Variants in KIAA1671 observed in about 807,000 individuals in gnomAD.
KIAA1671 encodes the protein KIAA1671, also known as uncharacterized protein KIAA1671.
A neutral mutation model predicts 131.2 loss-of-function variants in KIAA1671; 52 were observed. The ratio of observed to expected loss-of-function variants is 0.40; its 90% CI spans 0.32 to 0.50. The LOEUF (loss-of-function observed/expected upper bound fraction) is 0.50. KIAA1671 is among the 20% of genes least tolerant of loss of function. KIAA1671 has a pLI of 0.73. For missense variants in KIAA1671, 2,360 were observed against 2,364.2 expected (o/e 1.00, Z 0.04); for synonymous variants, 1,003 against 961.6 (o/e 1.04, Z -0.80).
intron 11 of KIAA1671, among the ~76,000 whole-genome samples, chr22:25,189,105 T>A (rs1239558027): frequency 1.3e-5 from 2 of 151,156 alleles, no homozygotes; most frequent in African/African-American, 4.9e-5. Context: ...TCCCTCTTCT[T>A]CCTGGGAGGC....
intron 1 of KIAA1671, among the ~76,000 whole-genome samples, chr22:24,964,570 C>T (rs144065657): frequency 8.3e-4 from 126 of 152,150 alleles, no homozygotes; most frequent in African/African-American, 2.9e-3. Flanking sequence ...CAAAGGAATG[C>T]GCCACCATGT....
At chr22:25,169,453 G>A (rs7285325) in intron 6 of KIAA1671, among the ~76,000 whole-genome samples, 34,075 of 148,616 alleles carry the variant, frequency 0.23, 3,989 homozygotes, top group South Asian at 0.36. Context: ...GACTGAGAGC[G>A]TCATTCAAAG....
At chr22:25,056,209 GAT>G (rs1229712891) in intron 6 of KIAA1671, 2 of 148,972 alleles carry the variant, frequency 1.3e-5, no homozygotes, top group Non-Finnish European at 3.0e-5. Flanking sequence ...TCCCATATCA[GAT>G]ATTTGCAAAT....
intron 6 of KIAA1671, among the ~76,000 whole-genome samples, chr22:25,134,270 C>A (rs1932575354): frequency 6.6e-6 from 1 of 152,092 alleles, no homozygotes; most frequent in Non-Finnish European, 1.5e-5. Flanking sequence ...GGCTTGGCAG[C>A]TGGATTCTTG....
rs1555885271 is a variant in KIAA1671, at chr22:25,179,197, G to A, written c.5074+1675G>A. ...GTGCGGAAGAGAAGCATGAAGCTGG[G>A]GGCGGGGGTGGGGGAGGAGGAACAA... is the stretch of plus-strand genomic sequence containing the variant. On this transcript the variant is annotated intron_variant, in intron 9 of 12. Coordinates refer to ENST00000358431, the MANE Select transcript of KIAA1671 (RefSeq NM_001145206.2). 5.8e-5 allele frequency: 63 copies of A among 1,078,330 alleles called. 1 individual carries two copies. In the South Asian group the frequency reaches 8.5e-4, roughly 15 times the overall value. 66.8% of individuals were successfully genotyped at this position (1,078,330 alleles called of 1,614,324 possible).
chr22:25,027,778 T>C (rs1004017587), intron 2 of KIAA1671, among the ~76,000 whole-genome samples, 167 bp from the exon 3 acceptor site: 9 of 152,192 alleles, frequency 5.9e-5, no homozygotes, highest in African/African-American at 1.9e-4. Context: ...CGTCCAGAGC[T>C]CAGAGACGGG....
intron 6 of KIAA1671, among the ~76,000 whole-genome samples, chr22:25,070,592 G>T (rs899768863): frequency 6.6e-6 from 1 of 152,128 alleles, no homozygotes; most frequent in African/African-American, 2.4e-5. Context: ...AAACGGGCTT[G>T]GTTTGGGAGG....
chr22:25,152,928 A>AT (rs1031126470), intron 6 of KIAA1671, among the ~76,000 whole-genome samples: 11 of 150,464 alleles, frequency 7.3e-5, no homozygotes, highest in South Asian at 2.1e-4. Flanking sequence ...TTTATTCCTG[A>AT]TTTTTTTTTA....
intron 1 of KIAA1671, among the ~76,000 whole-genome samples, chr22:25,005,359 A>AAG (rs1015567377): frequency 6.6e-6 from 1 of 151,642 alleles, no homozygotes; most frequent in African/African-American, 2.4e-5. Context: ...AAAAAAAAAA[A>AAG]AAAAAGAAAA....
chr22:25,003,093 CT>C (rs533126369), intron 1 of KIAA1671, among the ~76,000 whole-genome samples: 42 of 151,914 alleles, frequency 2.8e-4, no homozygotes, highest in Non-Finnish European at 5.0e-4. Context: ...TTGTTTTAAA[CT>C]TTTTTTTCCC....
chr22:25,118,663 C>G (rs1931794754), intron 6 of KIAA1671, among the ~76,000 whole-genome samples: 1 of 152,112 alleles, frequency 6.6e-6, no homozygotes, highest in African/African-American at 2.4e-5. Flanking sequence ...CCCTCCCATC[C>G]AGTCCATTCT....
At position 25,177,363 on chromosome 22, in the gene KIAA1671, G is replaced by T; in HGVS notation, c.4915G>T (p.Asp1639Tyr). The T allele has an allele frequency of 1.3e-6, 2 of 1,550,414 alleles. No homozygotes were observed. The highest frequency in any genetic ancestry group is 1.2e-5 in the South Asian group (1 of 83,952). Residue 1639 changes from aspartate to tyrosine, a missense_variant, in exon 9 of 13, where the codon GAC (aspartate) becomes TAC (tyrosine). Asp to Tyr is a radical substitution (Grantham distance 160). Around this residue, in one of 3 missense-constraint regions of KIAA1671, gnomAD observed 1,161 missense variants for 1,204.7 expected, o/e 0.96. Coordinates refer to ENST00000358431, the MANE Select transcript of KIAA1671 (RefSeq NM_001145206.2). Reference protein sequence around the residue: ...FSFIDQTSVLDSSALKTRVQL... With the variant: ...FSFIDQTSVLYSSALKTRVQL... ...GCTCCCAAAGCAAACCTCAGTCCTCGACTCAAGTGCCCTCAAGACCCGGGT... is the reference window on the plus strand; with the variant it reads ...GCTCCCAAAGCAAACCTCAGTCCTCTACTCAAGTGCCCTCAAGACCCGGGT...
At chr22:25,098,954 G>A (rs930837662) in intron 6 of KIAA1671, among the ~76,000 whole-genome samples, 3 of 152,188 alleles carry the variant, frequency 2.0e-5, no homozygotes, top group African/African-American at 7.2e-5. Flanking sequence ...CCTGTGTGGA[G>A]GCGTGCTCTG....
chr22:25,070,700 A>G (rs908481747), intron 6 of KIAA1671, among the ~76,000 whole-genome samples: 1 of 151,702 alleles, frequency 6.6e-6, no homozygotes, highest in African/African-American at 2.4e-5. Context: ...AACAGGAAGA[A>G]CGAGAACCAC....
At chr22:25,034,578 T>G (rs1053769024) in intron 4 of KIAA1671, among the ~76,000 whole-genome samples, 37 of 152,242 alleles carry the variant, frequency 2.4e-4, no homozygotes, top group Middle Eastern at 6.8e-3. Context: ...TTTGTGTGAG[T>G]AGACCACAAT....
rs35147267 is a variant in KIAA1671, at chr22:25,009,253, CTTTTTTTTTTTT to C, written c.-207-16362_-207-16351del. Among the ~76,000 whole-genome samples the C allele has an allele frequency of 1.3e-3, 82 of 62,796 alleles. 1 individual carries two copies. The highest frequency in any genetic ancestry group is 5.3e-3 in the Admixed American group (26 of 4,908). The allele number at this position is 62,796 out of a possible 152,430, so 41.2% of individuals were successfully genotyped here. ...ATTTCTTGGCACTCTCCCTTCCCCA[CTTTTTTTTTTTT>C]TTTTTTTTTTTTTTTTTAAGACAGA... On this transcript the variant is annotated intron_variant, in intron 1 of 12. Transcript: ENST00000358431.
chr22:25,029,226 G>A lies in KIAA1671; in HGVS notation c.1227G>A (p.Arg409=), dbSNP rs1926130771. ...AAESPSPRLG[R]GLELAEVKSR... ...AGTCCCCCTCACCCAGGCTGGGAAG[G>A]GGCCTAGAACTTGCTGAGGTTAAGA... The change falls in exon 3 of 13, where the codon AGG becomes AGA. Residue 409 remains arginine (R), a synonymous_variant. Transcript: ENST00000358431. 3 of 1,462,380 alleles carry A rather than the reference G, an allele frequency of 2.1e-6. No individual in the cohort carries two copies. In the South Asian group the frequency reaches 4.3e-5, roughly 21 times the overall value. 90.6% of individuals were successfully genotyped at this position (1,462,380 alleles called of 1,614,324 possible). A position where few individuals can be genotyped will look rare whatever the true frequency, so the allele number is the denominator to read the frequency against.
intron 6 of KIAA1671, among the ~76,000 whole-genome samples, chr22:25,072,116 GC>G (rs1601284408): frequency 6.6e-6 from 1 of 152,170 alleles, no homozygotes; most frequent in East Asian, 1.9e-4. Context: ...TGTGCAAAGG[GC>G]TGGGGTGGAT....
Position 25,039,423 on chromosome 22 carries a change from T to C in KIAA1671, c.2293T>C (p.Trp765Arg). The C allele has an allele frequency of 6.4e-7, 1 of 1,551,810 alleles. No homozygotes were observed. The highest frequency in any genetic ancestry group is 1.2e-5 in the South Asian group (1 of 84,064). Residue 765 changes from tryptophan (W) to arginine (R), a missense_variant, in exon 5 of 13, where the codon TGG (tryptophan) becomes CGG (arginine). This residue lies in a region of KIAA1671 where 1,185 missense variants were observed against 1,126.2 expected (regional missense o/e 1.05). Transcript: ENST00000358431. ...KAVTLRSLRS[W>R]LSLKDRQLSQ... ...GGTCACGCTCCGCAGCCTCAGGTCTTGGCTCTCACTGAAGGACAGGCAGCT... is the reference window on the plus strand; with the variant it reads ...GGTCACGCTCCGCAGCCTCAGGTCTCGGCTCTCACTGAAGGACAGGCAGCT...
Sources: gnomAD v4.1 joint callset for allele counts (sites outside exome capture counted in the v4.1 genomes callset) on GRCh38, gnomAD v4.1.1 for gene constraint, gnomAD v4.1.1 regional missense constraint, MANE v1.5 for transcripts, NCBI Gene and HGNC (gene_info 2026-07-23, HGNC 2026-07-21) for gene names.